Variants in GOLM2 observed in about 807,000 individuals in gnomAD.
GOLM2 encodes the protein protein GOLM2.
GOLM2 carries 26 observed loss-of-function variants against 55.9 expected under a neutral mutation model. That is an observed-to-expected ratio of 0.47 (90% CI 0.34 to 0.65). The LOEUF is 0.65. GOLM2 is among the 30% of genes least tolerant of loss of function. GOLM2 has a pLI of 0.01. For synonymous variants in GOLM2, 165 were observed against 194.6 expected (o/e 0.85, Z 1.27); for missense variants, 486 against 531.8 (o/e 0.91, Z 0.85).
At chr15:44,310,869 T>C (rs574668033) in intron 1 of GOLM2, among the ~76,000 whole-genome samples, 3 of 151,786 alleles carry the variant, frequency 2.0e-5, no homozygotes, top group Non-Finnish European at 4.4e-5. Context: ...ATACAAAAAT[T>C]AGCTGGGCAT....
At position 44,411,971 on chromosome 15, in the gene GOLM2, A is replaced by C. The variant is rs373310155; in HGVS notation, c.1241-1365A>C. On this transcript the variant is annotated intron_variant, in intron 9 of 9. Transcript: ENST00000299957. ...CACTTGAGCCCAGGAGTTCCAGACTAGCCTGGGCAAATGGCAAAACCCTGT... is the reference window on the plus strand; with the variant it reads ...CACTTGAGCCCAGGAGTTCCAGACTCGCCTGGGCAAATGGCAAAACCCTGT... Among the ~76,000 whole-genome samples, 11 of 152,254 alleles carry C rather than the reference A, an allele frequency of 7.2e-5. No homozygotes were observed. In the East Asian group the frequency reaches 1.5e-3, roughly 21 times the overall value.
rs749803213 is a variant in GOLM2, at chr15:44,413,348, G to A, written c.1253G>A (p.Arg418Gln). Residue 418 changes from arginine to glutamine, a missense_variant, in exon 10 of 10, where the codon CGA becomes CAA. Physicochemically the swap from Arg to Gln is conservative, Grantham distance 43. Transcript: ENST00000299957. ...GEEDVQDDEE[R>Q]ELQMDPADYG... ...ATTTTACTTACAGATGATGAAGAAC[G>A]AGAGCTTCAAATGGATCCTGCAGAC... 19 of 1,609,886 alleles carry A rather than the reference G, an allele frequency of 1.2e-5. No homozygotes were observed. Among genetic ancestry groups the A allele is most frequent in the African/African-American group, 2.7e-5 (2 of 74,790 alleles).
intron 6 of GOLM2, among the ~76,000 whole-genome samples, chr15:44,348,017 T>TTA (rs1297894347): frequency 1.3e-5 from 2 of 152,116 alleles, no homozygotes; most frequent in Non-Finnish European, 1.5e-5. Flanking sequence ...CATCACCTGC[T>TTA]AACTAAAGAG....
At chr15:44,374,478 A>G (rs764717121) in intron 6 of GOLM2, among the ~76,000 whole-genome samples, 20 of 151,964 alleles carry the variant, frequency 1.3e-4, no homozygotes, top group Non-Finnish European at 2.6e-4. Flanking sequence ...GTGAGACCCC[A>G]TCTTTGTTTT....
chr15:44,324,412 T>G (rs760954502), intron 2 of GOLM2, among the ~76,000 whole-genome samples: 24 of 152,144 alleles, frequency 1.6e-4, no homozygotes, highest in Non-Finnish European at 3.1e-4. Flanking sequence ...CAACTTTTGG[T>G]TTTGAAGCTT....
At chr15:44,316,890 G>T (rs576198860) in intron 1 of GOLM2, among the ~76,000 whole-genome samples, 2 of 152,214 alleles carry the variant, frequency 1.3e-5, no homozygotes, top group Non-Finnish European at 2.9e-5. Context: ...GGAGGCTAAG[G>T]TGGGAGGATC....
At chr15:44,393,895 G>A (rs2079507722) in intron 8 of GOLM2, among the ~76,000 whole-genome samples, 1 of 152,106 alleles carries the variant, frequency 6.6e-6, no homozygotes, top group African/African-American at 2.4e-5. Flanking sequence ...GTTTCACTAT[G>A]TTGGCCAGGC....
chr15:44,386,146 T>TAGAAGAAA, intron 8 of GOLM2, among the ~76,000 whole-genome samples: 1 of 152,214 alleles, frequency 6.6e-6, no homozygotes, highest in African/African-American at 2.4e-5. Flanking sequence ...TGTGTTTTCT[T>TAGAAGAAA]CTAAGACTTT....
At chr15:44,315,017 T>C (rs554805647) in intron 1 of GOLM2, among the ~76,000 whole-genome samples, 1 of 152,352 alleles carries the variant, frequency 6.6e-6, no homozygotes, top group South Asian at 2.1e-4. Context: ...GTGTTAACCA[T>C]GCTATAGATG....
intron 8 of GOLM2, 178 bp from the exon 9 acceptor site, chr15:44,402,709 C>A: frequency 2.2e-6 from 1 of 462,078 alleles, no homozygotes; most frequent in East Asian, 3.2e-5. Context: ...TACATATTTT[C>A]AGAGTCTTCC....
At chr15:44,347,131 A>AAGAGAG (rs150767007) in intron 6 of GOLM2, among the ~76,000 whole-genome samples, 2 of 149,432 alleles carry the variant, frequency 1.3e-5, no homozygotes, top group African/African-American at 4.9e-5. Context: ...CTAAACAAAA[A>AAGAGAG]AGAGAGAGAG....
At chr15:44,301,462 A>T (rs932385585) in intron 1 of GOLM2, among the ~76,000 whole-genome samples, 5 of 152,142 alleles carry the variant, frequency 3.3e-5, no homozygotes, top group Non-Finnish European at 7.3e-5. Flanking sequence ...TCTATTTTGG[A>T]TCAGTTACTA....
intron 6 of GOLM2, among the ~76,000 whole-genome samples, chr15:44,354,000 C>T (rs1201604169): frequency 6.6e-6 from 1 of 152,076 alleles, no homozygotes; most frequent in Non-Finnish European, 1.5e-5. Context: ...GTGATTATTA[C>T]ACGTTGTATG....
intron 6 of GOLM2, chr15:44,348,922 A>G (rs897070520): frequency 2.0e-5 from 3 of 152,424 alleles, no homozygotes; most frequent in African/African-American, 7.3e-5. Context: ...AAAAAAAATT[A>G]AGACCCAACA....
At chr15:44,338,366 T>A (rs1266631730) in intron 6 of GOLM2, 49 bp downstream of exon 6, 1 of 1,348,564 alleles carries the variant, frequency 7.4e-7, no homozygotes, top group Non-Finnish European at 1.1e-6. Context: ...ATAATACATT[T>A]CATGTGACCC....
At chr15:44,400,986 A>G (rs978388540) in intron 8 of GOLM2, among the ~76,000 whole-genome samples, 1 of 152,146 alleles carries the variant, frequency 6.6e-6, no homozygotes. Context: ...GATGTGATGA[A>G]CCATCTGTAG....
chr15:44,374,540 T>TA (rs1368188589), intron 6 of GOLM2, among the ~76,000 whole-genome samples: 5 of 152,136 alleles, frequency 3.3e-5, no homozygotes, highest in African/African-American at 1.2e-4. Context: ...GGGTAATTTA[T>TA]AAAGAAAGAG....
At chr15:44,394,737 C>A (rs2079513413) in intron 8 of GOLM2, among the ~76,000 whole-genome samples, 1 of 152,202 alleles carries the variant, frequency 6.6e-6, no homozygotes, top group African/African-American at 2.4e-5. Context: ...CATATCTCAA[C>A]AGATTATAAG....
intron 8 of GOLM2, among the ~76,000 whole-genome samples, chr15:44,392,900 G>A (rs2079501003): frequency 6.6e-6 from 1 of 152,154 alleles, no homozygotes; most frequent in Non-Finnish European, 1.5e-5. Flanking sequence ...ACTCGATAGA[G>A]TATTTTAAGC....
Sources: allele counts gnomAD v4.1 joint callset (sites outside exome capture counted in the v4.1 genomes callset), GRCh38; gene constraint gnomAD v4.1.1; transcripts MANE v1.5; gene names NCBI Gene and HGNC (gene_info 2026-07-23, HGNC 2026-07-21).